Variants in ARHGAP15 observed in about 807,000 individuals in gnomAD.
The protein encoded by ARHGAP15 is Rho GTPase activating protein 15.
Under a neutral mutation model 63.7 loss-of-function variants are expected in ARHGAP15, and 51 were observed. The observed-to-expected ratio is 0.80, with a 90% CI of 0.64 to 1.01. The LOEUF is 1.01. ARHGAP15 is among the 50% of genes least tolerant of loss of function. The pLI is 0.00. For missense variants in ARHGAP15, 560 were observed against 564.6 expected (o/e 0.99, Z 0.08); for synonymous variants, 191 against 193.8 (o/e 0.99, Z 0.12).
chr2:143,715,486 C>T (rs1328708003), intron 13 of ARHGAP15, among the ~76,000 whole-genome samples: 1 of 152,166 alleles, frequency 6.6e-6, no homozygotes, highest in African/African-American at 2.4e-5. Context: ...AGTTTATCTC[C>T]CCTCACCTGA....
intron 11 of ARHGAP15, among the ~76,000 whole-genome samples, chr2:143,559,130 T>C (rs1397821440): frequency 1.3e-5 from 2 of 152,096 alleles, no homozygotes; most frequent in Non-Finnish European, 1.5e-5. Context: ...GATATCCTGA[T>C]TGGGATTCTA....
intron 8 of ARHGAP15, among the ~76,000 whole-genome samples, chr2:143,454,541 C>A (rs1260249438): frequency 1.3e-5 from 2 of 151,908 alleles, no homozygotes; most frequent in East Asian, 1.9e-4. Flanking sequence ...AAAGGAAAGG[C>A]CTTAGACAGA....
intron 9 of ARHGAP15, among the ~76,000 whole-genome samples, chr2:143,510,018 T>TAAAAAAAAAAAAAAAAAA (rs35469918): frequency 2.0e-5 from 1 of 48,806 alleles, no homozygotes; most frequent in African/African-American, 7.8e-5. Context: ...GACTCCCTCT[T>TAAAAAAAAAAAAAAAAAA]AAAAAAAAAA....
chr2:143,678,599 T>C (rs909061288), intron 12 of ARHGAP15, among the ~76,000 whole-genome samples: 5 of 152,218 alleles, frequency 3.3e-5, no homozygotes, highest in Admixed American at 6.5e-5. Flanking sequence ...ACTTAATTCC[T>C]CTGCATCATA....
intron 6 of ARHGAP15, among the ~76,000 whole-genome samples, chr2:143,407,870 T>C (rs1202496788): frequency 6.6e-6 from 1 of 150,434 alleles, no homozygotes; most frequent in Non-Finnish European, 1.5e-5. Context: ...TTTATTCTTG[T>C]ATATTTGTTT....
intron 10 of ARHGAP15, among the ~76,000 whole-genome samples, chr2:143,539,887 C>G (rs908623521): frequency 3.3e-5 from 5 of 151,966 alleles, no homozygotes; most frequent in African/African-American, 1.2e-4. Flanking sequence ...CTGTAGATGT[C>G]TATTAGGTCT....
chr2:143,170,480 G>A (rs916012402), intron 2 of ARHGAP15, among the ~76,000 whole-genome samples: 2 of 152,030 alleles, frequency 1.3e-5, no homozygotes, highest in African/African-American at 4.8e-5. Flanking sequence ...AAAGATACCT[G>A]ATACCAACCA....
Position 143,312,293 on chromosome 2 carries a change from A to G in ARHGAP15, c.474+61693A>G, listed in dbSNP as rs370959181. Among the ~76,000 whole-genome samples the G allele has an allele frequency of 2.4e-4, 36 of 152,246 alleles. No homozygotes were observed. In the East Asian group the frequency reaches 6.0e-3, roughly 25 times the overall value. ...TTTTCTCCACGTCTTTCGGCAATTC[A>G]GAATAGTTCTCTGATCCATCTGAGA... On this transcript the variant is annotated intron_variant, in intron 6 of 13. Coordinates refer to ENST00000295095, the MANE Select transcript of ARHGAP15 (RefSeq NM_018460.4).
At chr2:143,548,893 C>T (rs751295532) in intron 10 of ARHGAP15, among the ~76,000 whole-genome samples, 2 of 151,506 alleles carry the variant, frequency 1.3e-5, no homozygotes, top group African/African-American at 2.4e-5. Flanking sequence ...AAAAGGCTCA[C>T]GAAAGAAATG....
intron 9 of ARHGAP15, among the ~76,000 whole-genome samples, chr2:143,494,949 T>C (rs1692751850): frequency 6.6e-6 from 1 of 152,260 alleles, no homozygotes. Context: ...ATATCTCAGA[T>C]TATTTGAAAG....
At chr2:143,344,770 G>A (rs969622063) in intron 6 of ARHGAP15, among the ~76,000 whole-genome samples, 2 of 152,046 alleles carry the variant, frequency 1.3e-5, no homozygotes, top group Non-Finnish European at 2.9e-5. Flanking sequence ...GTGAAGACCA[G>A]CAAGATCCCT....
intron 6 of ARHGAP15, among the ~76,000 whole-genome samples, chr2:143,273,474 A>C (rs1041471757): frequency 6.6e-5 from 10 of 152,154 alleles, no homozygotes; most frequent in African/African-American, 2.4e-4. Flanking sequence ...AAAAATGGTA[A>C]TACCATCATA....
At chr2:143,152,233 T>G (rs2105003433) in intron 1 of ARHGAP15, among the ~76,000 whole-genome samples, 1 of 152,106 alleles carries the variant, frequency 6.6e-6, no homozygotes, top group East Asian at 1.9e-4. Context: ...CATTGTTTCT[T>G]TCTTTCTTCG....
intron 11 of ARHGAP15, among the ~76,000 whole-genome samples, chr2:143,611,205 T>C (rs1698243036): frequency 6.6e-6 from 1 of 152,232 alleles, no homozygotes; most frequent in Non-Finnish European, 1.5e-5. Context: ...TGAAGCAGGC[T>C]GCTTATGAGC....
intron 2 of ARHGAP15, among the ~76,000 whole-genome samples, chr2:143,167,298 C>T (rs915780337): frequency 3.3e-5 from 5 of 152,064 alleles, no homozygotes; most frequent in African/African-American, 4.8e-5. Context: ...TCTTATCATG[C>T]CATTGTAGCC....
At chr2:143,544,245 C>T (rs1052792253) in intron 10 of ARHGAP15, among the ~76,000 whole-genome samples, 1 of 152,054 alleles carries the variant, frequency 6.6e-6, no homozygotes, top group African/African-American at 2.4e-5. Flanking sequence ...AGATTTTGAA[C>T]CTCATTTTAA....
chr2:143,382,370 C>A (rs1687096325), intron 6 of ARHGAP15, among the ~76,000 whole-genome samples: 1 of 152,152 alleles, frequency 6.6e-6, no homozygotes, highest in African/African-American at 2.4e-5. Context: ...TGGTGGACAG[C>A]TGCCAATCTT....
chr2:143,220,598 G>A (rs1444177666), intron 4 of ARHGAP15, among the ~76,000 whole-genome samples: 1 of 152,142 alleles, frequency 6.6e-6, no homozygotes, highest in East Asian at 1.9e-4. Context: ...AGTATGCACT[G>A]CCATATTGCT....
At chr2:143,213,093 G>C (rs887036257) in intron 3 of ARHGAP15, among the ~76,000 whole-genome samples, 1 of 152,174 alleles carries the variant, frequency 6.6e-6, no homozygotes, top group African/African-American at 2.4e-5. Flanking sequence ...GCCTCAAGAG[G>C]ATTACAATTG....
Sources: gnomAD v4.1 joint callset for allele counts (sites outside exome capture counted in the v4.1 genomes callset) on GRCh38, gnomAD v4.1.1 for gene constraint, MANE v1.5 for transcripts, NCBI Gene and HGNC (gene_info 2026-07-23, HGNC 2026-07-21) for gene names.